TSC22D2: variants seen among roughly 807,000 people sequenced by gnomAD.
The protein encoded by TSC22D2 is TSC22 domain family protein 2.
Under a neutral mutation model 50.1 loss-of-function variants are expected in TSC22D2, and 5 were observed. The ratio of observed to expected loss-of-function variants is 0.10; its 90% CI spans 0.05 to 0.21. The LOEUF is 0.21. TSC22D2 is among the 10% of genes least tolerant of loss of function. The probability of loss-of-function intolerance (pLI) is 1.00; values close to 1 mark genes in which losing one functional copy is unlikely to be tolerated. For synonymous variants in TSC22D2, 501 were observed against 450.1 expected (o/e 1.11, Z -1.43); for missense variants, 1,003 against 1,015.5 (o/e 0.99, Z 0.17).
rs1305290808 is a variant in TSC22D2 at position 150,463,001 on chromosome 3, C to G, written c.*4365C>G. 1.3e-5 allele frequency: 2 copies of G among 152,208 alleles called. No individual in the cohort carries two copies. The highest frequency in any genetic ancestry group is 4.8e-5 in the African/African-American group (2 of 41,440). 9.4% of individuals were successfully genotyped at this position (152,208 alleles called of 1,614,324 possible). On this transcript the variant is annotated 3_prime_UTR_variant, in exon 3 of 3. Transcript: ENST00000688009. ...TCCCAACTCATACTTGAAAGTTTGA[C>G]TCGGTCTTTTCCTTCCAACAGTTAT...
In TSC22D2 at chr3:150,411,131, C is replaced by G. The variant is rs200846900; in HGVS notation, c.1781C>G (p.Thr594Ser). 3 of 1,614,008 alleles carry G rather than the reference C, an allele frequency of 1.9e-6. No individual in the cohort carries two copies. The highest frequency in any genetic ancestry group is 3.3e-5 in the Admixed American group (2 of 60,002). The change falls in exon 1 of 3, where the codon ACT (threonine) becomes AGT (serine). Residue 594 changes from threonine to serine, a missense_variant. Thr to Ser is a moderately conservative substitution (Grantham distance 58). Transcript: ENST00000688009. ...TQPLVGQVDD[T>S]RRKSEPLPQP... ...CCTTTAGTCGGGCAAGTCGACGATA[C>G]TAGAAGAAAATCAGAACCCCTACCT...
chr3:150,423,406 T>G (rs1022010663), intron 1 of TSC22D2: 43 of 202,762 alleles, frequency 2.1e-4, no homozygotes, highest in African/African-American at 8.7e-4. Context: ...CCCAGTGTAT[T>G]TTAATGCAAA....
In TSC22D2 at chr3:150,409,320, C is replaced by G. The variant is rs1327033665; in HGVS notation, c.-31C>G. The G allele has an allele frequency of 1.3e-6, 2 of 1,557,280 alleles. No homozygotes were observed. Among genetic ancestry groups the G allele is most frequent in the South Asian group, 2.3e-5 (2 of 85,630 alleles). On this transcript the variant is annotated 5_prime_UTR_variant, in exon 1 of 3. Transcript: ENST00000688009. This position sits in a 1 kb window ranked among gnomAD's most constrained non-coding sequence, Gnocchi z 7.4. ...TTCCGACAGGACCCAGAGGAGCCGG[C>G]GTGCCTCTCTGCCCTCCAGCCTTCT...
chr3:150,435,300 T>G (rs1240744706), intron 1 of TSC22D2, among the ~76,000 whole-genome samples: 1 of 152,176 alleles, frequency 6.6e-6, no homozygotes. Flanking sequence ...GTTAATTTTT[T>G]GGAACATACT....
intron 1 of TSC22D2, among the ~76,000 whole-genome samples, chr3:150,436,826 G>A (rs1720560912): frequency 6.6e-6 from 1 of 152,198 alleles, no homozygotes; most frequent in Admixed American, 6.5e-5. Context: ...AGAGACTTAA[G>A]TGACCATGTG....
At chr3:150,446,093 C>CAAAAA (rs34550896) in intron 1 of TSC22D2, among the ~76,000 whole-genome samples, 1 of 104,074 alleles carries the variant, frequency 9.6e-6, no homozygotes, top group Non-Finnish European at 1.9e-5. Context: ...GACTCCATCT[C>CAAAAA]AAAAAAAAAA....
rs1288711853 is a variant in TSC22D2 at position 150,410,685 on chromosome 3, A to G, written c.1335A>G (p.Gln445=). The G allele has an allele frequency of 6.4e-7, 1 of 1,563,908 alleles. No individual in the cohort carries two copies. The highest frequency in any genetic ancestry group is 8.6e-7 in the Non-Finnish European group (1 of 1,156,370). Residue 445 remains glutamine (Q), a synonymous_variant, in exon 1 of 3, where the codon CAA becomes CAG. Coordinates refer to ENST00000688009, the MANE Select transcript of TSC22D2 (RefSeq NM_001303264.2). ...TGGCCCCCCGGACGGGACCAGCGCA[A>G]GGCGGGCAGGTCGCGCCTTGTCAGC... The part of the protein sequence containing the change: ...EAMAPRTGPA[Q]GGQVAPCQPT...
At chr3:150,418,176 T>A (rs1719887188) in intron 1 of TSC22D2, among the ~76,000 whole-genome samples, 1 of 151,980 alleles carries the variant, frequency 6.6e-6, no homozygotes. Context: ...AGCTTATCAG[T>A]CATTCAGCTT....
intron 1 of TSC22D2, among the ~76,000 whole-genome samples, chr3:150,448,859 A>G (rs1186198199): frequency 6.8e-6 from 1 of 146,670 alleles, no homozygotes; most frequent in African/African-American, 2.5e-5. Context: ...AAAGAAGATA[A>G]TGTTAATTTT....
intron 1 of TSC22D2, among the ~76,000 whole-genome samples, chr3:150,422,540 GA>G (rs139087380): frequency 0.13 from 20,480 of 152,166 alleles, 1,775 homozygotes; most frequent in East Asian, 0.33. Context: ...TTTGAAGGTG[GA>G]AATGTGTCAA....
At chr3:150,433,277 G>A (rs1720436714) in intron 1 of TSC22D2, among the ~76,000 whole-genome samples, 1 of 152,142 alleles carries the variant, frequency 6.6e-6, no homozygotes, top group African/African-American at 2.4e-5. Context: ...AAATAGTGGT[G>A]TCTTCACTAA....
intron 1 of TSC22D2, among the ~76,000 whole-genome samples, chr3:150,455,384 T>G (rs1478164802): frequency 6.6e-6 from 1 of 152,220 alleles, no homozygotes; most frequent in Non-Finnish European, 1.5e-5. Flanking sequence ...TTGTTAATGA[T>G]CCATAAATCC....
Position 150,460,736 on chromosome 3 carries a change from TG to T in TSC22D2, c.*2101del, listed in dbSNP as rs916161574. 7 of 152,126 alleles carry T rather than the reference TG, an allele frequency of 4.6e-5. No homozygotes were observed. The highest frequency in any genetic ancestry group is 1.7e-4 in the African/African-American group (7 of 41,412). The allele number at this position is 152,126 out of a possible 1,614,324, so 9.4% of individuals were successfully genotyped here. On this transcript the variant is annotated 3_prime_UTR_variant, in exon 3 of 3. Coordinates refer to ENST00000688009, the MANE Select transcript of TSC22D2 (RefSeq NM_001303264.2). ...AGGTTTGCTGGCTGTGCCCCTCCAGTGCTAACTGTGACATGTGATATTTAAT... is the reference window on the plus strand; with the variant it reads ...AGGTTTGCTGGCTGTGCCCCTCCAGTCTAACTGTGACATGTGATATTTAAT...
intron 1 of TSC22D2, among the ~76,000 whole-genome samples, chr3:150,455,688 T>C (rs1721164450): frequency 6.6e-6 from 1 of 152,194 alleles, no homozygotes; most frequent in Non-Finnish European, 1.5e-5. Context: ...TTTCTGAGCC[T>C]CAATCTGATA....
chr3:150,458,850 G>A lies in TSC22D2; in HGVS notation c.*214G>A, dbSNP rs547691162. On this transcript the variant is annotated 3_prime_UTR_variant, in exon 3 of 3. Transcript: ENST00000688009. ...CAGTTCTATGTCATCAGTACACAAG[G>A]AGAATAATAGATGGGGTTTATTAAA... 87 of 544,382 alleles carry A rather than the reference G, an allele frequency of 1.6e-4. 1 individual carries two copies. The South Asian group carries it at 2.5e-3, about 15-fold the overall frequency. The allele number at this position is 544,382 out of a possible 1,614,324, so 33.7% of individuals were successfully genotyped here.
intron 1 of TSC22D2, among the ~76,000 whole-genome samples, chr3:150,425,865 G>A (rs1720164104): frequency 6.6e-6 from 1 of 151,984 alleles, no homozygotes; most frequent in Non-Finnish European, 1.5e-5. Flanking sequence ...TTCTCTAATG[G>A]CCCCTTTGTT....
chr3:150,454,217 G>A (rs1003690593), intron 1 of TSC22D2, among the ~76,000 whole-genome samples: 8 of 152,186 alleles, frequency 5.3e-5, no homozygotes, highest in African/African-American at 1.9e-4. Flanking sequence ...ACAGGTCTAA[G>A]ATAGCCAGAT....
At chr3:150,446,093 C>CAAAAAAA (rs34550896) in intron 1 of TSC22D2, among the ~76,000 whole-genome samples, 1 of 104,078 alleles carries the variant, frequency 9.6e-6, no homozygotes, top group Non-Finnish European at 1.9e-5. Context: ...GACTCCATCT[C>CAAAAAAA]AAAAAAAAAA....
chr3:150,421,909 C>T (rs1247371148), intron 1 of TSC22D2, among the ~76,000 whole-genome samples: 2 of 152,146 alleles, frequency 1.3e-5, no homozygotes. Context: ...AGAGGTCAAA[C>T]TTTAACACTG....
Sources: allele counts gnomAD v4.1 joint callset (sites outside exome capture counted in the v4.1 genomes callset), GRCh38; gene constraint gnomAD v4.1.1; non-coding constraint Gnocchi (gnomAD v3.1); transcripts MANE v1.5; gene names NCBI Gene and HGNC (gene_info 2026-07-23, HGNC 2026-07-21).